Variants in ATP8A2 observed in about 807,000 individuals in gnomAD.
ATP8A2 encodes phospholipid-transporting ATPase IB.
A neutral mutation model predicts 165.6 loss-of-function variants in ATP8A2; 100 were observed. The observed-to-expected ratio is 0.60, with a 90% CI of 0.51 to 0.71. The LOEUF is 0.71. Among genes scored for constraint, ATP8A2 ranks in the 30% least tolerant of loss-of-function variants. The probability of loss-of-function intolerance (pLI) is 0.00; values close to 1 mark genes in which losing one functional copy is unlikely to be tolerated. For missense variants in ATP8A2, 1,227 were observed against 1,479.5 expected, an observed-to-expected ratio of 0.83 and a Z score of 2.80; for synonymous variants, 543 against 548.8, an observed-to-expected ratio of 0.99 and a Z score of 0.15.
At chr13:25,447,325 C>T (rs981073882) in intron 1 of ATP8A2, among the ~76,000 whole-genome samples, 2 of 152,026 alleles carry the variant, frequency 1.3e-5, no homozygotes, top group African/African-American at 4.8e-5. Flanking sequence ...TTGATATATG[C>T]ACACAATGGG....
chr13:25,456,569 A>G (rs374236906), intron 1 of ATP8A2, among the ~76,000 whole-genome samples: 1 of 152,180 alleles, frequency 6.6e-6, no homozygotes, highest in East Asian at 1.9e-4. Flanking sequence ...AAGACATCTC[A>G]GAGGAGAGAA....
At chr13:25,993,259 G>A (rs61648894) in intron 35 of ATP8A2, among the ~76,000 whole-genome samples, 3,124 of 152,186 alleles carry the variant, frequency 0.021, 88 homozygotes, top group African/African-American at 0.061. Flanking sequence ...CTGAGGAATC[G>A]CCACACTGCT....
intron 24 of ATP8A2, among the ~76,000 whole-genome samples, chr13:25,597,858 T>G (rs951662451): frequency 6.8e-6 from 1 of 147,340 alleles, no homozygotes; most frequent in Admixed American, 6.8e-5. Context: ...AAGTTTTTTG[T>G]TTTTTTTTTT....
At chr13:25,885,470 T>C (rs1283677625) in intron 33 of ATP8A2, among the ~76,000 whole-genome samples, 2 of 152,014 alleles carry the variant, frequency 1.3e-5, no homozygotes, top group African/African-American at 4.8e-5. Flanking sequence ...CTCCTTCTTT[T>C]GGGGTGGCTG....
At chr13:25,426,010 T>A (rs1025693327) in intron 1 of ATP8A2, among the ~76,000 whole-genome samples, 6 of 152,238 alleles carry the variant, frequency 3.9e-5, no homozygotes, top group African/African-American at 1.4e-4. Context: ...TCCACTCACC[T>A]ACTGGAGGAC....
intron 24 of ATP8A2, among the ~76,000 whole-genome samples, chr13:25,641,801 T>TC (rs1378569206): frequency 1.3e-5 from 2 of 151,584 alleles, no homozygotes; most frequent in African/African-American, 4.9e-5. Flanking sequence ...GCCAAGTCAA[T>TC]CCTAAGCCAA....
intron 33 of ATP8A2, chr13:25,871,129 G>T: frequency 5.9e-6 from 2 of 339,470 alleles, no homozygotes; most frequent in Non-Finnish European, 1.1e-5. Flanking sequence ...TTTCTTCAGA[G>T]GTTTTGTTGT....
intron 24 of ATP8A2, among the ~76,000 whole-genome samples, chr13:25,617,168 G>A (rs1030695371): frequency 6.6e-6 from 1 of 152,172 alleles, no homozygotes; most frequent in African/African-American, 2.4e-5. Context: ...GCACTTGCAT[G>A]AAAACAACAA....
intron 24 of ATP8A2, among the ~76,000 whole-genome samples, chr13:25,616,468 A>T (rs1466468516): frequency 2.0e-5 from 3 of 151,238 alleles, no homozygotes; most frequent in African/African-American, 7.3e-5. Context: ...AGTAACTGGG[A>T]TTACAGGCAC....
chr13:25,563,137 C>T (rs77090041), intron 15 of ATP8A2, among the ~76,000 whole-genome samples: 2,027 of 152,298 alleles, frequency 0.013, 23 homozygotes, highest in Non-Finnish European at 0.021. Context: ...AGGCCAGGTG[C>T]GGTGGCTCAC....
intron 27 of ATP8A2, among the ~76,000 whole-genome samples, chr13:25,816,175 T>C (rs558635753): frequency 2.0e-5 from 3 of 152,336 alleles, no homozygotes; most frequent in East Asian, 3.9e-4. Flanking sequence ...TTTTATGTTC[T>C]GTATATTTTA....
In ATP8A2 at chr13:25,588,877, G is replaced by A. The variant is rs927086164; in HGVS notation, c.2147-758G>A. Among the ~76,000 whole-genome samples the A allele has an allele frequency of 5.3e-5, 8 of 152,168 alleles. No homozygotes were observed. The East Asian group carries it at 9.7e-4, about 18-fold the overall frequency. ...TTGCGAGAGCCCTCTCCTCGCCACC[G>A]AGGGTGTGGATTGGAGGGGAGGCAT... is the stretch of plus-strand genomic sequence containing the variant. On this transcript the variant is annotated intron_variant, in intron 23 of 36. Transcript: ENST00000381655.
At chr13:25,976,661 A>G (rs1477727973) in intron 35 of ATP8A2, among the ~76,000 whole-genome samples, 1 of 152,028 alleles carries the variant, frequency 6.6e-6, no homozygotes, top group Non-Finnish European at 1.5e-5. Flanking sequence ...AGATCCCTAC[A>G]TGTAGGAAGA....
chr13:25,674,037 G>A (rs930623222), intron 24 of ATP8A2, among the ~76,000 whole-genome samples: 3 of 152,176 alleles, frequency 2.0e-5, no homozygotes, highest in African/African-American at 4.8e-5. Flanking sequence ...CCTGGCTTTG[G>A]TTCCACCATG....
At chr13:25,778,600 C>A (rs1438010402) in intron 27 of ATP8A2, among the ~76,000 whole-genome samples, 2 of 152,160 alleles carry the variant, frequency 1.3e-5, no homozygotes, top group African/African-American at 2.4e-5. Context: ...CTGAAACATA[C>A]GTCTGATCAA....
At chr13:25,543,430 C>CT (rs775697572) in intron 10 of ATP8A2, 28 bp downstream of exon 10, 67 of 1,407,524 alleles carry the variant, frequency 4.8e-5, no homozygotes, top group South Asian at 9.7e-5. Flanking sequence ...TGATTTCAGT[C>CT]TTTTTTTTCT....
intron 15 of ATP8A2, among the ~76,000 whole-genome samples, chr13:25,561,014 G>A (rs2039134109): frequency 6.6e-6 from 1 of 151,798 alleles, no homozygotes; most frequent in Non-Finnish European, 1.5e-5. Flanking sequence ...AGCCTCCCGA[G>A]TAGCTGGGAC....
At chr13:25,652,287 C>T (rs976019127) in intron 24 of ATP8A2, among the ~76,000 whole-genome samples, 6 of 152,140 alleles carry the variant, frequency 3.9e-5, no homozygotes, top group African/African-American at 7.2e-5. Flanking sequence ...ATTGTTCCAG[C>T]GCCATTCATT....
At chr13:25,462,616 T>C (rs1030390423) in intron 1 of ATP8A2, among the ~76,000 whole-genome samples, 4 of 152,162 alleles carry the variant, frequency 2.6e-5, no homozygotes, top group Admixed American at 1.3e-4. Context: ...ATTAATTGGA[T>C]CATTGGTCAC....
Sources: gnomAD v4.1 joint callset for allele counts (sites outside exome capture counted in the v4.1 genomes callset) on GRCh38, gnomAD v4.1.1 for gene constraint, MANE v1.5 for transcripts, NCBI Gene and HGNC (gene_info 2026-07-23, HGNC 2026-07-21) for gene names.